OR1D2: variants seen among roughly 807,000 people sequenced by gnomAD.
The protein encoded by OR1D2 is olfactory receptor family 1 subfamily D member 2.
For synonymous variants in OR1D2, 157 were observed against 153.9 expected, an observed-to-expected ratio of 1.02 and a Z score of -0.15; for missense variants, 357 against 376.1, an observed-to-expected ratio of 0.95 and a Z score of 0.42.
rs936090888 is a variant in OR1D2 at position 3,091,007 on chromosome 17, T to A, written c.*1051A>T. On this transcript the variant is annotated 3_prime_UTR_variant, in exon 2 of 2. Coordinates refer to ENST00000641833, the MANE Select transcript of OR1D2 (RefSeq NM_002548.3). ...CTCATGAGATGAGGGGATCTCTCTTTGTGCTACTCTGTGCTGGCTTGGGTG... is the reference window on the plus strand; with the variant it reads ...CTCATGAGATGAGGGGATCTCTCTTAGTGCTACTCTGTGCTGGCTTGGGTG... 1 of 152,204 alleles carries A rather than the reference T, an allele frequency of 6.6e-6. No individual in the cohort carries two copies. The highest frequency in any genetic ancestry group is 2.4e-5 in the African/African-American group (1 of 41,438). The allele number at this position is 152,204 out of a possible 1,614,324, so 9.4% of individuals were successfully genotyped here.
At position 3,092,256 on chromosome 17, in the gene OR1D2, T is replaced by C. The variant is rs764671451; in HGVS notation, c.741A>G (p.Ala247=). Residue 247 remains alanine (A), a synonymous_variant, in exon 2 of 2, where the codon GCA becomes GCG. Transcript: ENST00000641833. ...AFSTCASHLG[A]VSLFYGTLCM... ...AAAGTGTCCCATAGAAGAGGGAGAC[T>C]GCACCCAAATGGGAGGCACAGGTGG... is the stretch of plus-strand genomic sequence containing the variant. 8.7e-6 allele frequency: 14 copies of C among 1,614,188 alleles called. No homozygotes were observed. The South Asian group carries it at 1.5e-4, about 18-fold the overall frequency.
At position 3,093,004 on chromosome 17, in the gene OR1D2, A is replaced by G. The variant is rs1187076997; in HGVS notation, c.-8T>C. The stretch of plus-strand genomic sequence containing the variant: ...CTGGTTGCCTCCATCCATTTCCCCA[A>G]CTCTCTTTTAACATTAACACCAGCA... On this transcript the variant is annotated 5_prime_UTR_variant, in exon 2 of 2. Coordinates refer to ENST00000641833, the MANE Select transcript of OR1D2 (RefSeq NM_002548.3). 1.2e-6 allele frequency: 2 copies of G among 1,612,638 alleles called. No homozygotes were observed. Among genetic ancestry groups the G allele is most frequent in the East Asian group, 2.2e-5 (1 of 44,878 alleles).
chr17:3,098,857 C>A (rs938627458), intron 1 of OR1D2, among the ~76,000 whole-genome samples: 7 of 152,114 alleles, frequency 4.6e-5, no homozygotes, highest in African/African-American at 1.7e-4. Context: ...AGCTGAAAAA[C>A]ATAGCATGAG....
At chr17:3,093,364 A>G (rs1219835738) in intron 1 of OR1D2, among the ~76,000 whole-genome samples, 17 of 152,226 alleles carry the variant, frequency 1.1e-4, no homozygotes, top group Admixed American at 1.1e-3. Flanking sequence ...GAAGAAAATA[A>G]AAGTATTTGA....
intron 1 of OR1D2, among the ~76,000 whole-genome samples, chr17:3,097,682 A>G (rs916434927): frequency 1.3e-5 from 2 of 152,240 alleles, no homozygotes; most frequent in Admixed American, 6.5e-5. Flanking sequence ...AACTAGCACC[A>G]TAGCTGCAGC....
chr17:3,093,667 CTAT>C (rs1191496389), intron 1 of OR1D2, among the ~76,000 whole-genome samples: 1 of 152,004 alleles, frequency 6.6e-6, no homozygotes, highest in Non-Finnish European at 1.5e-5. Context: ...GAAATGTTGC[CTAT>C]TATTGTTATA....
intron 1 of OR1D2, among the ~76,000 whole-genome samples, chr17:3,099,663 A>G (rs1240380578): frequency 6.6e-6 from 1 of 152,214 alleles, no homozygotes. Context: ...GATCACATTC[A>G]CACATAACAA....
At chr17:3,099,101 C>T (rs2047862727) in intron 1 of OR1D2, among the ~76,000 whole-genome samples, 1 of 151,978 alleles carries the variant, frequency 6.6e-6, no homozygotes, top group Admixed American at 6.6e-5. Flanking sequence ...CTGGAAAACA[C>T]ACTTCAGGAT....
At chr17:3,100,266 C>T (rs1200751891) in intron 1 of OR1D2, among the ~76,000 whole-genome samples, 1 of 152,048 alleles carries the variant, frequency 6.6e-6, no homozygotes, top group Non-Finnish European at 1.5e-5. Context: ...TAAACTTGAC[C>T]ACATAATTGG....
intron 1 of OR1D2, among the ~76,000 whole-genome samples, chr17:3,099,074 G>A (rs980269726): frequency 2.6e-5 from 4 of 152,154 alleles, no homozygotes; most frequent in Admixed American, 1.3e-4. Context: ...GAAGGAGACA[G>A]GGAGAATGGA....
chr17:3,103,134 A>G (rs918005563), intron 1 of OR1D2, among the ~76,000 whole-genome samples: 30 of 152,176 alleles, frequency 2.0e-4, no homozygotes, highest in African/African-American at 6.0e-4. Flanking sequence ...ACATCTGCTG[A>G]TGGGAGGGAG....
In OR1D2 at chr17:3,092,802, G is replaced by T. The variant is rs766470657; in HGVS notation, c.195C>A (p.Asn65Lys). 1.3e-4 allele frequency: 213 copies of T among 1,613,950 alleles called. 1 individual carries two copies. In the South Asian group the frequency reaches 2.3e-3, roughly 17 times the overall value. ...CAAAGAAGAGGTCAGTGAAGGAGAG[G>T]TTGGCCAGGAAGAAGTACACGGGGG... ...LHTPVYFFLA[N>K]LSFTDLFFVT... The change falls in exon 2 of 2, where the codon AAC becomes AAA. Residue 65 changes from asparagine to lysine, a missense_variant. Transcript: ENST00000641833.
rs1384866236 is a variant in OR1D2, at chr17:3,092,744, G to A, written c.253C>T (p.Leu85Phe). Residue 85 changes from leucine to phenylalanine, a missense_variant, in exon 2 of 2, where the codon CTC (leucine) becomes TTC (phenylalanine). Physicochemically the swap from Leu to Phe is conservative, Grantham distance 22. Transcript: ENST00000641833. ...GAGATGGCTTTGTTATGGGACTGGAGGTTCACCAGCATCTTGGGGATTGTG... is the reference window on the plus strand; with the variant it reads ...GAGATGGCTTTGTTATGGGACTGGAAGTTCACCAGCATCTTGGGGATTGTG... ...TNTIPKMLVN[L>F]QSHNKAISYA... The A allele has an allele frequency of 4.3e-6, 7 of 1,613,968 alleles. No homozygotes were observed. In the East Asian group the frequency reaches 6.7e-5, roughly 15 times the overall value.
chr17:3,102,227 C>T (rs1444203943), intron 1 of OR1D2, among the ~76,000 whole-genome samples: 1 of 152,172 alleles, frequency 6.6e-6, no homozygotes, highest in Non-Finnish European at 1.5e-5. Flanking sequence ...GTAATTTCGA[C>T]TATTAAAGTA....
At chr17:3,100,550 C>A (rs2151708564) in intron 1 of OR1D2, among the ~76,000 whole-genome samples, 1 of 152,270 alleles carries the variant, frequency 6.6e-6, no homozygotes, top group Non-Finnish European at 1.5e-5. Flanking sequence ...ATTTATAGCA[C>A]TAAATGCCCA....
chr17:3,097,247 T>G lies in OR1D2; in HGVS notation c.-50-4201A>C, dbSNP rs537499363. On this transcript the variant is annotated intron_variant, in intron 1 of 1. Coordinates refer to ENST00000641833, the MANE Select transcript of OR1D2 (RefSeq NM_002548.3). ...CTGTGGTGTCCATTTTACAATGGACTTTAAAAAAACTTGAAAGCATTCCTA... is the reference window on the plus strand; with the variant it reads ...CTGTGGTGTCCATTTTACAATGGACGTTAAAAAAACTTGAAAGCATTCCTA... 3.9e-5 allele frequency among the ~76,000 whole-genome samples: 6 copies of G among 152,304 alleles called. No homozygotes were observed. In the East Asian group the frequency reaches 1.2e-3, roughly 29 times the overall value.
At chr17:3,096,230 C>G (rs1357795552) in intron 1 of OR1D2, among the ~76,000 whole-genome samples, 1 of 152,158 alleles carries the variant, frequency 6.6e-6, no homozygotes, top group Non-Finnish European at 1.5e-5. Flanking sequence ...ATAAATCTAA[C>G]TATATCAATC....
At position 3,093,019 on chromosome 17, in the gene OR1D2, T is replaced by G. The variant is rs1318282623; in HGVS notation, c.-23A>C. On this transcript the variant is annotated 5_prime_UTR_variant, in exon 2 of 2. Transcript: ENST00000641833. ...CATTTCCCCAACTCTCTTTTAACAT[T>G]AACACCAGCAAATGTTTACCAAAAG... 16 of 1,599,952 alleles carry G rather than the reference T, an allele frequency of 1.0e-5. No homozygotes were observed. The Middle Eastern group carries it at 6.7e-4, about 67-fold the overall frequency.
At chr17:3,093,738 C>T (rs1289864264) in intron 1 of OR1D2, among the ~76,000 whole-genome samples, 2 of 152,128 alleles carry the variant, frequency 1.3e-5, no homozygotes, top group African/African-American at 4.8e-5. Flanking sequence ...CCACTGTCAA[C>T]AAATAAATCA....
Sources: gnomAD v4.1 joint callset for allele counts (sites outside exome capture counted in the v4.1 genomes callset) on GRCh38, gnomAD v4.1.1 for gene constraint, MANE v1.5 for transcripts, NCBI Gene and HGNC (gene_info 2026-07-23, HGNC 2026-07-21) for gene names.